The following FBXO34 variants were observed in gnomAD, a reference collection of about 807,000 sequenced individuals.
FBXO34 encodes the protein F-box only protein 34.
FBXO34 carries 12 observed loss-of-function variants against 24.5 expected under a neutral mutation model. That is an observed-to-expected ratio of 0.49 (90% CI 0.31 to 0.79). FBXO34 has a LOEUF of 0.79. FBXO34 is among the 30% of genes least tolerant of loss of function. The pLI is 0.04. For missense variants in FBXO34, 823 were observed against 857.7 expected, an observed-to-expected ratio of 0.96 and a Z score of 0.51; for synonymous variants, 320 against 311.9, an observed-to-expected ratio of 1.03 and a Z score of -0.27.
chr14:55,326,828 T>C (rs1432999165), intron 1 of FBXO34, among the ~76,000 whole-genome samples: 1 of 152,192 alleles, frequency 6.6e-6, no homozygotes, highest in Non-Finnish European at 1.5e-5. Flanking sequence ...TAGGGATGTT[T>C]TGATGTTAAT....
intron 1 of FBXO34, among the ~76,000 whole-genome samples, chr14:55,298,426 T>A (rs1468067412): frequency 1.3e-5 from 2 of 152,172 alleles, no homozygotes; most frequent in African/African-American, 4.8e-5. Context: ...CCTTGAAATC[T>A]ATTTTACTGC....
At chr14:55,359,361 G>A (rs954986226) in intron 3 of FBXO34, among the ~76,000 whole-genome samples, 3 of 152,120 alleles carry the variant, frequency 2.0e-5, no homozygotes, top group Admixed American at 2.0e-4. Flanking sequence ...GATAAAATTC[G>A]TTCCATCCAA....
At chr14:55,409,706 T>C in the FBXO34 span, among the ~76,000 whole-genome samples, 1 of 152,050 alleles carries the variant, frequency 6.6e-6, no homozygotes, top group South Asian at 2.1e-4. Context: ...CACAGCAGAT[T>C]AGGTAAGGGA....
chr14:55,400,525 T>C, the FBXO34 span, among the ~76,000 whole-genome samples: 2 of 152,214 alleles, frequency 1.3e-5, no homozygotes, highest in African/African-American at 4.8e-5. Flanking sequence ...CTTCCAAATT[T>C]TCACTATGAT....
At chr14:55,306,954 A>G (rs1882569731) in intron 1 of FBXO34, among the ~76,000 whole-genome samples, 1 of 152,264 alleles carries the variant, frequency 6.6e-6, no homozygotes, top group South Asian at 2.1e-4. Context: ...AAGGGAACTT[A>G]GCATCTGCAT....
chr14:55,297,215 G>T (rs1467369898), intron 1 of FBXO34, among the ~76,000 whole-genome samples: 1 of 152,116 alleles, frequency 6.6e-6, no homozygotes, highest in Non-Finnish European at 1.5e-5. Context: ...AGTGATTTGG[G>T]GCTGCTTTTC....
chr14:55,348,074 T>C (rs900743863), intron 1 of FBXO34, among the ~76,000 whole-genome samples: 1 of 152,102 alleles, frequency 6.6e-6, no homozygotes, highest in Non-Finnish European at 1.5e-5. Context: ...TACAGTATAA[T>C]GATAGAAAGC....
the FBXO34 span, chr14:55,391,101 GA>G: frequency 1.4e-6 from 1 of 693,704 alleles, no homozygotes; most frequent in Non-Finnish European, 2.4e-6. Flanking sequence ...ACATAATGAA[GA>G]AAAAGACCTT....
intron 1 of FBXO34, among the ~76,000 whole-genome samples, chr14:55,330,331 T>G (rs964167573): frequency 1.3e-5 from 2 of 152,204 alleles, no homozygotes; most frequent in African/African-American, 4.8e-5. Context: ...AAGATCTTTC[T>G]TTTTGTGCCG....
chr14:55,427,031 A>G, the FBXO34 span, among the ~76,000 whole-genome samples: 1 of 152,246 alleles, frequency 6.6e-6, no homozygotes, highest in African/African-American at 2.4e-5. Context: ...GAGCTCTTGC[A>G]GATGTACACT....
At chr14:55,282,891 A>G (rs1881607465) in intron 1 of FBXO34, among the ~76,000 whole-genome samples, 2 of 152,248 alleles carry the variant, frequency 1.3e-5, no homozygotes, top group Non-Finnish European at 2.9e-5. Flanking sequence ...TGAGTTTCGT[A>G]AGGTAGTCTC....
At chr14:55,343,042 T>C (rs1050062777) in intron 1 of FBXO34, among the ~76,000 whole-genome samples, 1 of 152,174 alleles carries the variant, frequency 6.6e-6, no homozygotes, top group Non-Finnish European at 1.5e-5. Context: ...TCATTATATA[T>C]ATCTGCAGCA....
chr14:55,373,823 T>A (rs1001952024), downstream of FBXO34, among the ~76,000 whole-genome samples: 2 of 150,776 alleles, frequency 1.3e-5, no homozygotes, highest in African/African-American at 2.4e-5. Context: ...AAAAAAAAGT[T>A]TATCTTTTCA....
chr14:55,393,672 G>A, the FBXO34 span, among the ~76,000 whole-genome samples: 16 of 151,598 alleles, frequency 1.1e-4, no homozygotes, highest in Non-Finnish European at 1.9e-4. Context: ...AACCTCCCAA[G>A]TAGCTGGGAC....
chr14:55,363,584 C>G (rs150969801), downstream of FBXO34, among the ~76,000 whole-genome samples: 329 of 152,268 alleles, frequency 2.2e-3, 3 homozygotes, highest in African/African-American at 7.2e-3. Context: ...CCACCTTCGT[C>G]TCCCAAAGTG....
chr14:55,295,412 G>T (rs61975431), intron 1 of FBXO34, among the ~76,000 whole-genome samples: 1 of 85,956 alleles, frequency 1.2e-5, no homozygotes, highest in East Asian at 3.0e-4. Flanking sequence ...TTTTTTTTTG[G>T]AGACAGAGTC....
chr14:55,353,468 A>G lies in FBXO34; in HGVS notation c.*942A>G, dbSNP rs950348838. ...AACTGGACAACCTGAAAATTAGCATAGAAAACAATCCTTTGTTATATTTTA... is the reference window on the plus strand; with the variant it reads ...AACTGGACAACCTGAAAATTAGCATGGAAAACAATCCTTTGTTATATTTTA... On this transcript the variant is annotated 3_prime_UTR_variant, in exon 2 of 2. Transcript: ENST00000313833. 2 of 167,128 alleles carry G rather than the reference A, an allele frequency of 1.2e-5. No homozygotes were observed. The highest frequency in any genetic ancestry group is 1.9e-4 in the East Asian group (1 of 5,202). 10.4% of individuals were successfully genotyped at this position (167,128 alleles called of 1,614,324 possible).
downstream of FBXO34, among the ~76,000 whole-genome samples, chr14:55,353,824 A>G (rs551794889): frequency 1.6e-4 from 25 of 152,212 alleles, no homozygotes; most frequent in Non-Finnish European, 3.1e-4. Flanking sequence ...CAACCATTGT[A>G]TTTCCTGTTC....
the FBXO34 span, among the ~76,000 whole-genome samples, chr14:55,386,735 G>A: frequency 1.3e-5 from 2 of 152,098 alleles, no homozygotes; most frequent in Middle Eastern, 3.4e-3. Context: ...ACATACACTC[G>A]TCCTGTCAGA....
Sources: gnomAD v4.1 joint callset for allele counts (sites outside exome capture counted in the v4.1 genomes callset) on GRCh38, gnomAD v4.1.1 for gene constraint, MANE v1.5 for transcripts, NCBI Gene and HGNC (gene_info 2026-07-23, HGNC 2026-07-21) for gene names.